SNAP91: variants seen among roughly 807,000 people sequenced by gnomAD.
SNAP91 encodes synaptosome associated protein 91, also known as clathrin coat assembly protein AP180.
SNAP91 carries 27 observed loss-of-function variants against 100.3 expected under a neutral mutation model. The observed-to-expected ratio is 0.27, with a 90% CI of 0.20 to 0.37. SNAP91 has a LOEUF of 0.37. Among genes scored for constraint, SNAP91 ranks in the 10% least tolerant of loss-of-function variants. The pLI is 1.00. For synonymous variants in SNAP91, 404 were observed against 398.6 expected, an observed-to-expected ratio of 1.01 and a Z score of -0.16; for missense variants, 986 against 1,123.7, an observed-to-expected ratio of 0.88 and a Z score of 1.75.
In SNAP91 at chr6:83,576,459, C is replaced by T. The variant is rs181484623; in HGVS notation, c.2300-406G>A. On this transcript the variant is annotated intron_variant, in intron 24 of 29. Coordinates refer to ENST00000369694, the MANE Select transcript of SNAP91 (RefSeq NM_001242792.2). ...CATGATATGGTTTATGTTGAATATC[C>T]ACTTTCATTCTGCAAGTCTGAAATT... 1.2e-4 allele frequency among the ~76,000 whole-genome samples: 18 copies of T among 152,304 alleles called. No individual in the cohort carries two copies. In the East Asian group the frequency reaches 2.7e-3, roughly 23 times the overall value.
chr6:83,553,686 G>A lies in SNAP91; in HGVS notation c.*610C>T. Reference sequence around the variant, plus strand: ...GCTTCAAAGAGAAGTATTTATTATGGACGTTAACCTTTATATTTTTTAAAA... The same window carrying A: ...GCTTCAAAGAGAAGTATTTATTATGAACGTTAACCTTTATATTTTTTAAAA... On this transcript the variant is annotated 3_prime_UTR_variant, in exon 30 of 30. Coordinates refer to ENST00000369694, the MANE Select transcript of SNAP91 (RefSeq NM_001242792.2). 1 of 151,978 alleles carries A rather than the reference G, an allele frequency of 6.6e-6. No individual in the cohort carries two copies. Among genetic ancestry groups the A allele is most frequent in the East Asian group, 1.9e-4 (1 of 5,198 alleles). 9.4% of individuals were successfully genotyped at this position (151,978 alleles called of 1,614,324 possible).
intron 2 of SNAP91, among the ~76,000 whole-genome samples, chr6:83,701,971 A>G (rs949666679): frequency 1.3e-5 from 2 of 152,012 alleles, no homozygotes; most frequent in Non-Finnish European, 2.9e-5. Context: ...TCATTGTGCA[A>G]TTGACACAGG....
Position 83,560,090 on chromosome 6 carries a change from T to A in SNAP91, c.2631+14A>T. ...AGTTAATGTCACTGATTTGTGGACA[T>A]TGAAGAAACTGACCTGCGTGCCAGG... is the stretch of plus-strand genomic sequence containing the variant. On this transcript the variant is annotated intron_variant, in intron 28 of 29. Transcript: ENST00000369694. The A allele has an allele frequency of 6.2e-7, 1 of 1,604,038 alleles. No homozygotes were observed. The highest frequency in any genetic ancestry group is 1.1e-5 in the South Asian group (1 of 90,886).
intron 17 of SNAP91, 46 bp from the exon 18 acceptor site, chr6:83,593,787 G>A (rs2094129939): frequency 6.6e-7 from 1 of 1,518,780 alleles, no homozygotes; most frequent in Admixed American, 2.2e-5. Flanking sequence ...AGTAAGGAAA[G>A]AGACAAGAGA....
At chr6:83,591,992 T>G (rs1412276521) in intron 21 of SNAP91, among the ~76,000 whole-genome samples, 2 of 152,220 alleles carry the variant, frequency 1.3e-5, no homozygotes, top group African/African-American at 2.4e-5. Flanking sequence ...AGCAAAACAT[T>G]ATAAATAAAC....
At chr6:83,626,361 T>C (rs779117365) in intron 8 of SNAP91, among the ~76,000 whole-genome samples, 9 of 152,118 alleles carry the variant, frequency 5.9e-5, no homozygotes, top group Non-Finnish European at 5.9e-5. Context: ...TGGCTTCATA[T>C]AAATTTAGAA....
chr6:83,649,744 CTT>C (rs548434468), intron 7 of SNAP91, among the ~76,000 whole-genome samples: 2 of 137,566 alleles, frequency 1.5e-5, no homozygotes, highest in African/African-American at 2.7e-5. Flanking sequence ...CCATGCCTGG[CTT>C]TTTTTTTTTT....
At chr6:83,611,338 A>T (rs2096059601) in intron 11 of SNAP91, 1 of 332,316 alleles carries the variant, frequency 3.0e-6, no homozygotes, top group African/African-American at 2.3e-5. Context: ...ATGAGGGAAA[A>T]TTAGGAAGGC....
At chr6:83,634,203 T>C (rs780228713) in intron 8 of SNAP91, among the ~76,000 whole-genome samples, 53 of 152,200 alleles carry the variant, frequency 3.5e-4, no homozygotes, top group Non-Finnish European at 1.0e-4. Context: ...GAAGGACCCC[T>C]GTAAGGCCAG....
chr6:83,561,114 C>T (rs1239214421), intron 26 of SNAP91, among the ~76,000 whole-genome samples, 167 bp from the exon 27 acceptor site: 5 of 152,190 alleles, frequency 3.3e-5, no homozygotes, highest in Admixed American at 2.6e-4. Flanking sequence ...ATGATCACAG[C>T]TCACTGCAGC....
chr6:83,564,243 C>A (rs1793108761), intron 26 of SNAP91, among the ~76,000 whole-genome samples: 1 of 151,842 alleles, frequency 6.6e-6, no homozygotes, highest in Non-Finnish European at 1.5e-5. Context: ...TTATCCAGCC[C>A]AATATGTCAG....
At chr6:83,624,106 T>C (rs2096839022) in intron 8 of SNAP91, among the ~76,000 whole-genome samples, 1 of 152,122 alleles carries the variant, frequency 6.6e-6, no homozygotes. Flanking sequence ...ATGATATACT[T>C]GTAGAAGTGG....
intron 6 of SNAP91, among the ~76,000 whole-genome samples, chr6:83,657,113 T>C (rs776729508): frequency 6.6e-6 from 1 of 152,210 alleles, no homozygotes; most frequent in African/African-American, 2.4e-5. Flanking sequence ...TGTGTTTATA[T>C]AGATTAATCC....
chr6:83,592,865 A>AAAC, intron 20 of SNAP91, 81 bp downstream of exon 20: 1 of 1,060,970 alleles, frequency 9.4e-7, no homozygotes, highest in Non-Finnish European at 1.4e-6. Context: ...AACTCAAGAA[A>AAAC]AACCCACATG....
chr6:83,553,203 A>G lies in SNAP91; in HGVS notation c.*1093T>C, dbSNP rs1773532376. 1.3e-5 allele frequency: 2 copies of G among 152,658 alleles called. No homozygotes were observed. Among genetic ancestry groups the G allele is most frequent in the Admixed American group, 1.3e-4 (2 of 15,274 alleles). The allele number at this position is 152,658 out of a possible 1,614,324, so 9.5% of individuals were successfully genotyped here. A position where few individuals can be genotyped will look rare whatever the true frequency, so the allele number is the denominator to read the frequency against. ...ATCTTAAGCCAAGCCATCAGCACAG[A>G]CAGTATGACAACAAATTAAAACTTA... is the stretch of plus-strand genomic sequence containing the variant. On this transcript the variant is annotated 3_prime_UTR_variant, in exon 30 of 30. Coordinates refer to ENST00000369694, the MANE Select transcript of SNAP91 (RefSeq NM_001242792.2).
At chr6:83,639,201 A>C (rs2097577091) in intron 8 of SNAP91, among the ~76,000 whole-genome samples, 1 of 152,190 alleles carries the variant, frequency 6.6e-6, no homozygotes, top group Admixed American at 6.5e-5. Flanking sequence ...GTTACTAACT[A>C]TGGGATAGCT....
intron 7 of SNAP91, among the ~76,000 whole-genome samples, chr6:83,648,234 T>G (rs2098035081): frequency 6.6e-6 from 1 of 152,220 alleles, no homozygotes; most frequent in Admixed American, 6.5e-5. Flanking sequence ...TTCTTTGGCT[T>G]CTTTGAACCT....
At chr6:83,682,771 C>T (rs1392479300) in intron 2 of SNAP91, among the ~76,000 whole-genome samples, 1 of 140,400 alleles carries the variant, frequency 7.1e-6, no homozygotes, top group Non-Finnish European at 1.5e-5. Flanking sequence ...GTGTGATGTT[C>T]CCCTTCCTGT....
chr6:83,561,047 A>G, intron 26 of SNAP91, 100 bp from the exon 27 acceptor site: 1 of 813,702 alleles, frequency 1.2e-6, no homozygotes, highest in Non-Finnish European at 1.9e-6. Context: ...TTTGGTATTT[A>G]TTTATTTATT....
Sources: gnomAD v4.1 joint callset for allele counts (sites outside exome capture counted in the v4.1 genomes callset) on GRCh38, gnomAD v4.1.1 for gene constraint, MANE v1.5 for transcripts, NCBI Gene and HGNC (gene_info 2026-07-23, HGNC 2026-07-21) for gene names.